The following MCTP1 variants were observed in gnomAD, a reference collection of about 807,000 sequenced individuals.
MCTP1 encodes multiple C2 and transmembrane domain-containing protein 1.
MCTP1 carries 69 observed loss-of-function variants against 120.6 expected under a neutral mutation model. The observed-to-expected ratio is 0.57, with a 90% CI of 0.47 to 0.70. The LOEUF is 0.70. Ranked by LOEUF, MCTP1 falls within the 30% of genes least tolerant of loss-of-function variation. The pLI is 0.00. For missense variants in MCTP1, 1,203 were observed against 1,248.8 expected, an observed-to-expected ratio of 0.96 and a Z score of 0.55; for synonymous variants, 529 against 493.1, an observed-to-expected ratio of 1.07 and a Z score of -0.96.
At chr5:94,711,071 G>A (rs895390594) in intron 20 of MCTP1, 144 bp from the exon 21 acceptor site, 6 of 653,816 alleles carry the variant, frequency 9.2e-6, no homozygotes, top group African/African-American at 7.4e-5. Context: ...ATCAGAGGAC[G>A]CAGGCTAGCC....
intron 1 of MCTP1, among the ~76,000 whole-genome samples, chr5:95,269,051 CT>C (rs1213009956): frequency 1.3e-5 from 2 of 152,132 alleles, no homozygotes; most frequent in Non-Finnish European, 2.9e-5. Flanking sequence ...CTCATTTTTT[CT>C]AAGCCTCCAC....
intron 19 of MCTP1, among the ~76,000 whole-genome samples, chr5:94,754,674 T>C (rs1769323246): frequency 6.7e-6 from 1 of 149,656 alleles, no homozygotes; most frequent in Non-Finnish European, 1.5e-5. Context: ...CGTTTAACTT[T>C]AAAAGCATAT....
chr5:95,072,282 T>G (rs1752389762), intron 1 of MCTP1, among the ~76,000 whole-genome samples: 1 of 152,276 alleles, frequency 6.6e-6, no homozygotes, highest in South Asian at 2.1e-4. Flanking sequence ...AGTCCTACCC[T>G]CTTAACCCTA....
chr5:95,148,015 G>A (rs1760561442), intron 1 of MCTP1, among the ~76,000 whole-genome samples: 1 of 152,162 alleles, frequency 6.6e-6, no homozygotes, highest in Non-Finnish European at 1.5e-5. Flanking sequence ...TGAGGATGCT[G>A]AAAATAGGTC....
At chr5:94,884,598 T>G (rs993916342) in intron 12 of MCTP1, among the ~76,000 whole-genome samples, 2 of 111,830 alleles carry the variant, frequency 1.8e-5, no homozygotes, top group Non-Finnish European at 3.3e-5. Flanking sequence ...ATCGCCGGTC[T>G]GTGACACAGC....
chr5:94,951,891 G>T (rs1447091085), intron 3 of MCTP1, among the ~76,000 whole-genome samples: 1 of 152,092 alleles, frequency 6.6e-6, no homozygotes, highest in African/African-American at 2.4e-5. Flanking sequence ...GCTATTTAAG[G>T]CCGGGCACGG....
chr5:94,939,071 T>C (rs1369400815), intron 5 of MCTP1, among the ~76,000 whole-genome samples: 1 of 152,072 alleles, frequency 6.6e-6, no homozygotes, highest in Non-Finnish European at 1.5e-5. Context: ...AAATATTATA[T>C]GTAAACGTAT....
At chr5:95,268,196 T>G (rs1230862294) in intron 1 of MCTP1, among the ~76,000 whole-genome samples, 2 of 152,264 alleles carry the variant, frequency 1.3e-5, no homozygotes, top group African/African-American at 4.8e-5. Flanking sequence ...GTAAGCTCTA[T>G]GTGAGCAGGA....
chr5:95,097,692 T>A lies in MCTP1; in HGVS notation c.721-80208A>T, dbSNP rs1173596842. The stretch of plus-strand genomic sequence containing the variant: ...AGACAAGAGTGAATGCGAGCCCACC[T>A]GTCAAGAGCTTGTTCCGGGAATCCA... On this transcript the variant is annotated intron_variant, in intron 1 of 22. Transcript: ENST00000515393. Among the ~76,000 whole-genome samples the A allele has an allele frequency of 2.0e-5, 3 of 152,228 alleles. No individual in the cohort carries two copies. In the East Asian group the frequency reaches 5.8e-4, roughly 29 times the overall value.
At chr5:95,016,434 G>T (rs1305830371) in intron 2 of MCTP1, among the ~76,000 whole-genome samples, 1 of 151,954 alleles carries the variant, frequency 6.6e-6, no homozygotes, top group South Asian at 2.1e-4. Context: ...TATTCCTTTA[G>T]ATATAGGAGA....
At chr5:95,057,951 A>G (rs977692069) in intron 1 of MCTP1, among the ~76,000 whole-genome samples, 3 of 152,192 alleles carry the variant, frequency 2.0e-5, no homozygotes, top group African/African-American at 7.2e-5. Context: ...CTGAAGCCTT[A>G]TTTATAATAA....
intron 1 of MCTP1, among the ~76,000 whole-genome samples, chr5:95,145,668 T>C (rs1337395699): frequency 4.6e-5 from 7 of 152,228 alleles, no homozygotes; most frequent in Non-Finnish European, 1.5e-5. Context: ...TTGTTTTTTA[T>C]TCTGTTTATG....
intron 19 of MCTP1, among the ~76,000 whole-genome samples, chr5:94,745,572 T>C (rs1766700507): frequency 6.6e-6 from 1 of 152,180 alleles, no homozygotes; most frequent in Non-Finnish European, 1.5e-5. Context: ...TGTTCTCCAT[T>C]TGAGTATCTT....
At chr5:95,105,283 T>C (rs868685642) in intron 1 of MCTP1, among the ~76,000 whole-genome samples, 24 of 152,136 alleles carry the variant, frequency 1.6e-4, no homozygotes, top group African/African-American at 5.8e-4. Context: ...TTTCAAGGTG[T>C]TTGACATGAC....
At chr5:94,715,566 CAT>C (rs1311109574) in intron 19 of MCTP1, among the ~76,000 whole-genome samples, 1 of 152,048 alleles carries the variant, frequency 6.6e-6, no homozygotes, top group African/African-American at 2.4e-5. Flanking sequence ...CATTTTAAAA[CAT>C]ACTGAATTTA....
intron 1 of MCTP1, among the ~76,000 whole-genome samples, chr5:95,215,822 C>G (rs1330051786): frequency 2.0e-5 from 3 of 152,068 alleles, no homozygotes; most frequent in Non-Finnish European, 4.4e-5. Context: ...GGGAGGTAAA[C>G]AAAACTTATA....
intron 1 of MCTP1, among the ~76,000 whole-genome samples, chr5:95,096,734 T>C (rs1267258052): frequency 6.6e-6 from 1 of 152,144 alleles, no homozygotes; most frequent in African/African-American, 2.4e-5. Context: ...AAAACTACCA[T>C]AAAAGGCCTG....
chr5:95,283,467 C>T (rs1166852635), intron 1 of MCTP1, among the ~76,000 whole-genome samples: 6 of 152,222 alleles, frequency 3.9e-5, no homozygotes, highest in East Asian at 1.9e-4. Flanking sequence ...CCAATGGTAC[C>T]TCTCCACACC....
intron 2 of MCTP1, among the ~76,000 whole-genome samples, chr5:94,967,121 T>C (rs74953435): frequency 0.036 from 5,509 of 152,238 alleles, 331 homozygotes; most frequent in African/African-American, 0.13. Flanking sequence ...TACACTCAGA[T>C]GTTAATCTTT....
Sources: gnomAD v4.1 joint callset for allele counts (sites outside exome capture counted in the v4.1 genomes callset) on GRCh38, gnomAD v4.1.1 for gene constraint, MANE v1.5 for transcripts, NCBI Gene and HGNC (gene_info 2026-07-23, HGNC 2026-07-21) for gene names.